LRP1B: variants seen among roughly 807,000 people sequenced by gnomAD.
The protein encoded by LRP1B is LDL receptor related protein 1B, also known as low-density lipoprotein receptor-related protein 1B.
In LRP1B, 217 loss-of-function variants were observed where a neutral mutation model predicts 556.6. The ratio of observed to expected loss-of-function variants is 0.39; its 90% CI spans 0.35 to 0.44. LRP1B has a LOEUF of 0.44. Ranked by LOEUF, LRP1B falls within the 20% of genes least tolerant of loss-of-function variation. The pLI is 1.00. For synonymous variants in LRP1B, 2,047 were observed against 1,865.8 expected (o/e 1.10, Z -2.50); for missense variants, 5,053 against 5,620.8 (o/e 0.90, Z 3.23).
chr2:141,915,513 C>T (rs1349462009), intron 1 of LRP1B, among the ~76,000 whole-genome samples: 3 of 152,248 alleles, frequency 2.0e-5, no homozygotes, highest in Middle Eastern at 3.4e-3. Context: ...CCATTCTGGA[C>T]TTTGGCCTTG....
intron 2 of LRP1B, among the ~76,000 whole-genome samples, chr2:141,722,540 A>G (rs1692861510): frequency 6.6e-6 from 1 of 152,128 alleles, no homozygotes; most frequent in African/African-American, 2.4e-5. Flanking sequence ...CCTATTTTCT[A>G]TGTAGAATAA....
intron 86 of LRP1B, among the ~76,000 whole-genome samples, chr2:140,247,694 A>G (rs1681228271): frequency 6.6e-6 from 1 of 151,644 alleles, no homozygotes; most frequent in Non-Finnish European, 1.5e-5. Context: ...TCATACTTCT[A>G]TTACTATGAA....
At chr2:141,425,977 A>G (rs1281611932) in intron 3 of LRP1B, among the ~76,000 whole-genome samples, 3 of 150,490 alleles carry the variant, frequency 2.0e-5, no homozygotes, top group African/African-American at 7.3e-5. Flanking sequence ...TTGGTGTTTT[A>G]GACATGAAGT....
intron 11 of LRP1B, among the ~76,000 whole-genome samples, chr2:141,025,745 A>G (rs1018871738): frequency 1.3e-5 from 2 of 152,018 alleles, no homozygotes; most frequent in Non-Finnish European, 2.9e-5. Context: ...CTGTCTCTCT[A>G]TATATACATT....
chr2:140,960,242 C>T (rs988479679), intron 18 of LRP1B, among the ~76,000 whole-genome samples: 1 of 151,664 alleles, frequency 6.6e-6, no homozygotes, highest in Non-Finnish European at 1.5e-5. Context: ...TCAAATGGAT[C>T]AGACTTAACT....
chr2:141,014,701 A>T (rs1168346460), intron 13 of LRP1B, among the ~76,000 whole-genome samples: 1 of 152,008 alleles, frequency 6.6e-6, no homozygotes, highest in Non-Finnish European at 1.5e-5. Flanking sequence ...TCTCACCTTT[A>T]TGTAGGCCAA....
At chr2:141,087,524 A>G (rs1341591278) in intron 7 of LRP1B, among the ~76,000 whole-genome samples, 3 of 152,244 alleles carry the variant, frequency 2.0e-5, no homozygotes, top group African/African-American at 7.2e-5. Context: ...CACAGCACCT[A>G]CTAGGAGACA....
At chr2:140,478,561 G>A (rs113990155) in intron 59 of LRP1B, among the ~76,000 whole-genome samples, 7,309 of 152,098 alleles carry the variant, frequency 0.048, 215 homozygotes, top group African/African-American at 0.052. Flanking sequence ...ATTATGATGG[G>A]GAAACTTGGA....
intron 7 of LRP1B, among the ~76,000 whole-genome samples, chr2:141,180,245 A>C (rs1680931969): frequency 6.6e-6 from 1 of 151,652 alleles, no homozygotes; most frequent in Non-Finnish European, 1.5e-5. Flanking sequence ...TTTACCCTTG[A>C]TGCCCTGATC....
intron 22 of LRP1B, among the ~76,000 whole-genome samples, chr2:140,904,493 A>G (rs1694191410): frequency 1.3e-5 from 2 of 152,274 alleles, no homozygotes; most frequent in South Asian, 2.1e-4. Flanking sequence ...AAATGTATCC[A>G]GTATGAAAAT....
chr2:141,459,338 T>C (rs1473858016), intron 3 of LRP1B, among the ~76,000 whole-genome samples: 1 of 152,174 alleles, frequency 6.6e-6, no homozygotes, highest in Non-Finnish European at 1.5e-5. Flanking sequence ...AAGATCTTAC[T>C]ACAGGGCTTG....
chr2:140,955,702 G>A (rs1380172495), intron 18 of LRP1B, among the ~76,000 whole-genome samples: 1 of 151,612 alleles, frequency 6.6e-6, no homozygotes, highest in East Asian at 1.9e-4. Flanking sequence ...TTATAGGTAA[G>A]CTATTATATA....
intron 1 of LRP1B, among the ~76,000 whole-genome samples, chr2:142,029,848 G>A (rs1360783170): frequency 6.6e-6 from 1 of 151,206 alleles, no homozygotes. Flanking sequence ...CTCTTTACCT[G>A]ATCTCAAAAC....
chr2:141,288,238 CA>C (rs11302978), intron 3 of LRP1B, among the ~76,000 whole-genome samples: 71,285 of 145,614 alleles, frequency 0.49, 16,826 homozygotes, highest in Middle Eastern at 0.63. Context: ...GGAATAATAA[CA>C]AAAAAAAAAA....
chr2:141,609,362 T>G (rs762796332), intron 2 of LRP1B, among the ~76,000 whole-genome samples: 7 of 152,194 alleles, frequency 4.6e-5, no homozygotes, highest in Non-Finnish European at 1.0e-4. Flanking sequence ...AATCCATCCC[T>G]AGACATAGTG....
chr2:140,906,889 A>G (rs990710484), intron 22 of LRP1B, among the ~76,000 whole-genome samples: 4 of 151,680 alleles, frequency 2.6e-5, no homozygotes, highest in Non-Finnish European at 4.4e-5. Flanking sequence ...TTTTAGCCTC[A>G]TCGAATGAAG....
At chr2:141,831,357 CT>C (rs772402957) in intron 1 of LRP1B, among the ~76,000 whole-genome samples, 1 of 151,612 alleles carries the variant, frequency 6.6e-6, no homozygotes, top group Non-Finnish European at 1.5e-5. Flanking sequence ...TCATTCTTCT[CT>C]CATTTTCTTA....
chr2:141,023,362 TAA>T (rs2105402204), intron 11 of LRP1B, among the ~76,000 whole-genome samples: 1 of 151,930 alleles, frequency 6.6e-6, no homozygotes, highest in Admixed American at 6.6e-5. Context: ...TTACTTCCTA[TAA>T]GAGACACCTA....
intron 4 of LRP1B, among the ~76,000 whole-genome samples, chr2:141,247,866 C>A (rs1236964698): frequency 6.6e-6 from 1 of 152,118 alleles, no homozygotes; most frequent in African/African-American, 2.4e-5. Context: ...ATTTTAATAT[C>A]TGTAGTCCTC....
Sources: allele counts gnomAD v4.1 joint callset (sites outside exome capture counted in the v4.1 genomes callset), GRCh38; gene constraint gnomAD v4.1.1; transcripts MANE v1.5; gene names NCBI Gene and HGNC (gene_info 2026-07-23, HGNC 2026-07-21).